Variants in FAM149A observed in about 807,000 individuals in gnomAD.
FAM149A encodes the protein protein FAM149A.
In FAM149A, 71 loss-of-function variants were observed where a neutral mutation model predicts 78.2. The observed-to-expected ratio is 0.91, with a 90% CI of 0.75 to 1.11. FAM149A has a LOEUF of 1.11. Among genes scored for constraint, FAM149A ranks in the 50% least tolerant of loss-of-function variants. The pLI is 0.00. For missense variants in FAM149A, 1,036 were observed against 971.0 expected, an observed-to-expected ratio of 1.07 and a Z score of -0.89; for synonymous variants, 446 against 410.5, an observed-to-expected ratio of 1.09 and a Z score of -1.04.
At chr4:186,171,815 ATATTT>A (rs1369709395) in intron 13 of FAM149A, 94 bp from the exon 14 acceptor site, 1 of 777,022 alleles carries the variant, frequency 1.3e-6, no homozygotes, top group African/African-American at 1.8e-5. Flanking sequence ...AATAAAATAT[ATATTT>A]TAAAGTATTT....
intron 2 of FAM149A, 32 bp downstream of exon 2, chr4:186,149,315 T>C (rs887741876): frequency 6.3e-6 from 8 of 1,272,938 alleles, no homozygotes; most frequent in Non-Finnish European, 8.1e-6. Flanking sequence ...GATTACAAAA[T>C]CACAAAATGC....
chr4:186,132,158 A>T (rs939185021), intron 1 of FAM149A: 2 of 985,350 alleles, frequency 2.0e-6, no homozygotes, highest in Non-Finnish European at 2.4e-6. Flanking sequence ...GAGATTTTCC[A>T]GTTTATGTCA....
At chr4:186,117,939 G>T in intron 1 of FAM149A, 1 of 985,316 alleles carries the variant, frequency 1.0e-6, no homozygotes, top group Non-Finnish European at 1.2e-6. Flanking sequence ...ATGTCAGGTG[G>T]CTGGGAGGAG....
At chr4:186,123,416 TG>T in intron 1 of FAM149A, 6 of 956,424 alleles carry the variant, frequency 6.3e-6, no homozygotes, top group Non-Finnish European at 6.2e-6. Context: ...CTGGGCCTTT[TG>T]TTCCTGTATG....
At chr4:186,159,326 G>T (rs1579911843) in intron 8 of FAM149A, among the ~76,000 whole-genome samples, 1 of 152,220 alleles carries the variant, frequency 6.6e-6, no homozygotes, top group East Asian at 1.9e-4. Context: ...GAGGGGGATT[G>T]GTCTTTTACA....
chr4:186,166,953 CTA>C lies in FAM149A; in HGVS notation c.2011-13_2011-12del, dbSNP rs1735087025. The C allele has an allele frequency of 6.2e-7, 1 of 1,607,340 alleles. No homozygotes were observed. Among genetic ancestry groups the C allele is most frequent in the South Asian group, 1.1e-5 (1 of 89,896 alleles). On this transcript the variant is annotated splice_polypyrimidine_tract_variant and intron_variant, in intron 11 of 13. Coordinates refer to ENST00000389354, the MANE Select transcript of FAM149A (RefSeq NM_001367768.3). ...TGCATTTATTTTAAACAAGAACATA[CTA>C]TCCTTCATTTAGTACAGAGGAAGGC...
chr4:186,130,453 C>T lies in FAM149A; in HGVS notation c.567-18720C>T, dbSNP rs2099320328. Among the ~76,000 whole-genome samples, 3 of 151,566 alleles carry T rather than the reference C, an allele frequency of 2.0e-5. No individual in the cohort carries two copies. In the South Asian group the frequency reaches 6.3e-4, roughly 32 times the overall value. ...GCACGGGCATGATCTCAGCTCACTG[C>T]AGCCTCTACCTGCTCGGGGTCAGGT... On this transcript the variant is annotated intron_variant, in intron 1 of 13. Coordinates refer to ENST00000389354, the MANE Select transcript of FAM149A (RefSeq NM_001367768.3).
At chr4:186,118,426 T>G (rs1424323965) in intron 1 of FAM149A, 1 of 156,484 alleles carries the variant, frequency 6.4e-6, no homozygotes, top group Admixed American at 6.5e-5. Flanking sequence ...AGGAGCTTTA[T>G]GTCTGTTGAC....
intron 1 of FAM149A, among the ~76,000 whole-genome samples, chr4:186,107,285 T>G (rs1299240333): frequency 1.3e-5 from 2 of 152,234 alleles, no homozygotes; most frequent in Non-Finnish European, 2.9e-5. Context: ...ACATATTAGC[T>G]CATGTTTATA....
chr4:186,116,448 A>G (rs2099313753), intron 1 of FAM149A: 3 of 984,394 alleles, frequency 3.0e-6, no homozygotes, highest in Non-Finnish European at 3.6e-6. Flanking sequence ...TTACAGTCAT[A>G]TGACCATTAC....
At chr4:186,136,968 C>CTT (rs1561396358) in intron 1 of FAM149A, among the ~76,000 whole-genome samples, 139 of 78,580 alleles carry the variant, frequency 1.8e-3, no homozygotes, top group Middle Eastern at 7.2e-3. Context: ...CTCTCTTTCT[C>CTT]TCTCTCTTTC....
At chr4:186,136,453 G>T (rs2099322743) in intron 1 of FAM149A, among the ~76,000 whole-genome samples, 1 of 152,108 alleles carries the variant, frequency 6.6e-6, no homozygotes, top group South Asian at 2.1e-4. Context: ...AATTTCATAT[G>T]ATTCTGCCTA....
At chr4:186,130,617 C>A (rs2099320407) in intron 1 of FAM149A, among the ~76,000 whole-genome samples, 1 of 151,700 alleles carries the variant, frequency 6.6e-6, no homozygotes, top group East Asian at 1.9e-4. Context: ...CCTCAAGTTC[C>A]CAAAGTGCTG....
At chr4:186,158,851 G>A in intron 8 of FAM149A, 1 of 976,628 alleles carries the variant, frequency 1.0e-6, no homozygotes, top group South Asian at 4.5e-5. Flanking sequence ...GTCTCAAGCT[G>A]TTCTTCCACA....
chr4:186,167,606 T>C (rs1735172638), intron 13 of FAM149A: 2 of 305,264 alleles, frequency 6.6e-6, no homozygotes, highest in Non-Finnish European at 1.3e-5. Flanking sequence ...GAAACTCTAC[T>C]CTCAGATTCT....
At chr4:186,137,136 A>T (rs1334084604) in intron 1 of FAM149A, among the ~76,000 whole-genome samples, 3 of 152,192 alleles carry the variant, frequency 2.0e-5, no homozygotes, top group Non-Finnish European at 4.4e-5. Context: ...ACTTTAACAG[A>T]AATCAGCAAA....
chr4:186,136,671 A>C (rs2099322835), intron 1 of FAM149A, among the ~76,000 whole-genome samples: 1 of 152,140 alleles, frequency 6.6e-6, no homozygotes, highest in Admixed American at 6.5e-5. Context: ...TTTTGGATAC[A>C]ACATTTATAG....
chr4:186,149,023 TGTGTGTGTGC>T, intron 1 of FAM149A, 140 bp from the exon 2 acceptor site: 1 of 338,472 alleles, frequency 3.0e-6, no homozygotes, highest in Non-Finnish European at 5.6e-6. Context: ...TGTGTGTGTG[TGTGTGTGTGC>T]GCTCATGCAC....
At chr4:186,162,348 G>A (rs1172889693) in intron 8 of FAM149A, among the ~76,000 whole-genome samples, 1 of 152,182 alleles carries the variant, frequency 6.6e-6, no homozygotes, top group Non-Finnish European at 1.5e-5. Flanking sequence ...AGGACAATGA[G>A]GAGCCATGAT....
Sources: gnomAD v4.1 joint callset for allele counts (sites outside exome capture counted in the v4.1 genomes callset) on GRCh38, gnomAD v4.1.1 for gene constraint, MANE v1.5 for transcripts, NCBI Gene and HGNC (gene_info 2026-07-23, HGNC 2026-07-21) for gene names.